ZNF729: variants seen among roughly 807,000 people sequenced by gnomAD.
The protein encoded by ZNF729 is zinc finger protein 729.
ZNF729 carries 15 observed loss-of-function variants against 12.2 expected under a neutral mutation model. That is an observed-to-expected ratio of 1.23 (90% CI 0.82 to 1.89). The LOEUF (loss-of-function observed/expected upper bound fraction) is 1.89. ZNF729 is among the 40% of genes most tolerant of loss of function. ZNF729 has a pLI of 0.00. For missense variants in ZNF729, 1,540 were observed against 1,456.7 expected (o/e 1.06, Z -0.93); for synonymous variants, 492 against 476.3 (o/e 1.03, Z -0.43).
rs1298724881 is a variant in ZNF729 at position 22,303,881 on chromosome 19, C to G, written c.154C>G (p.Leu52Val). 1.9e-6 allele frequency: 3 copies of G among 1,567,532 alleles called. No individual in the cohort carries two copies. The Admixed American group carries it at 5.2e-5, about 27-fold the overall frequency. The change falls in exon 2 of 4, where the codon CTG becomes GTG. Residue 52 changes from leucine (L) to valine (V), a missense_variant. Physicochemically the swap from Leu to Val is conservative, Grantham distance 32. Transcript: ENST00000601693. ...AGAGAACTACAGAAACCTGGTCTTC[C>G]TGGGTGAGGATAATTTTAATTAAGC... Reference protein sequence around the residue: ...MLENYRNLVFLGMAVFKPDLI... With the variant: ...MLENYRNLVFVGMAVFKPDLI...
chr19:22,307,745 A>T, intron 3 of ZNF729, among the ~76,000 whole-genome samples: 1 of 150,266 alleles, frequency 6.7e-6, no homozygotes. Context: ...CTCCATCAAA[A>T]AAAAAAAAAA....
intron 1 of ZNF729, among the ~76,000 whole-genome samples, chr19:22,293,300 C>T (rs1484383240): frequency 1.3e-5 from 2 of 152,044 alleles, no homozygotes; most frequent in South Asian, 4.1e-4. Context: ...ATTCTCCTGC[C>T]TCAGCCTCCT....
In ZNF729 at chr19:22,286,546, C is replaced by T; in HGVS notation, c.21C>T (p.Ser7=). The part of the protein sequence containing the change: MPGAPG[S]LEMGPLTFRD... Reference sequence around the variant, plus strand: ...CTAACATGCCAGGTGCCCCTGGCAGCCTAGAAATGGTGAGAGTGCCGGGTC... The same window carrying T: ...CTAACATGCCAGGTGCCCCTGGCAGTCTAGAAATGGTGAGAGTGCCGGGTC... The change falls in exon 1 of 4, where the codon AGC becomes AGT. Residue 7 remains serine (S), a synonymous_variant. Transcript: ENST00000601693. The T allele has an allele frequency of 6.2e-7, 1 of 1,613,854 alleles. No homozygotes were observed. Among genetic ancestry groups the T allele is most frequent in the Non-Finnish European group, 8.5e-7 (1 of 1,179,982 alleles).
Position 22,315,165 on chromosome 19 carries a change from A to T in ZNF729, c.1748A>T (p.His583Leu), listed in dbSNP as rs1307344909. ...KCEECGKAFKHFSALRKHKVI... is the reference protein window; with the variant it reads ...KCEECGKAFKLFSALRKHKVI... ...GAAGAATGTGGCAAAGCTTTTAAGC[A>T]TTTCTCAGCCCTCAGAAAACATAAG... The change falls in exon 4 of 4, where the codon CAT (histidine) becomes CTT (leucine). Residue 583 changes from histidine (H) to leucine (L), a missense_variant. His to Leu is a moderately conservative substitution (Grantham distance 99). Coordinates refer to ENST00000601693, the MANE Select transcript of ZNF729 (RefSeq NM_001242680.2). 1 of 1,611,636 alleles carries T rather than the reference A, an allele frequency of 6.2e-7. No individual in the cohort carries two copies. The highest frequency in any genetic ancestry group is 1.1e-5 in the South Asian group (1 of 91,030).
At chr19:22,289,639 GA>G in intron 1 of ZNF729, among the ~76,000 whole-genome samples, 1 of 152,042 alleles carries the variant, frequency 6.6e-6, no homozygotes, top group East Asian at 1.9e-4. Context: ...TGCTACCAGG[GA>G]AAAAAATAGG....
chr19:22,294,196 T>G (rs76481007), intron 1 of ZNF729, among the ~76,000 whole-genome samples: 3,357 of 110,994 alleles, frequency 0.03, 111 homozygotes, highest in African/African-American at 0.1. Flanking sequence ...GTGCTAGGTG[T>G]TTATCCCAGC....
chr19:22,313,087 C>T (rs1444012470), intron 3 of ZNF729, among the ~76,000 whole-genome samples: 6 of 147,058 alleles, frequency 4.1e-5, no homozygotes, highest in African/African-American at 1.6e-4. Context: ...GACAGGGTCT[C>T]ACTCTGTCAC....
chr19:22,309,585 T>C (rs1015097996), intron 3 of ZNF729, among the ~76,000 whole-genome samples: 18 of 152,210 alleles, frequency 1.2e-4, no homozygotes, highest in Non-Finnish European at 2.5e-4. Context: ...TTTGTACCAG[T>C]ACCATGCTGT....
chr19:22,304,792 G>C lies in ZNF729; in HGVS notation c.253+9G>C. On this transcript the variant is annotated intron_variant, in intron 3 of 3. Transcript: ENST00000601693. Reference sequence around the variant, plus strand: ...GGTAACTAAACCCCCAGGTATGTGAGAGTGAATACAACAGACAACACAGAT... The same window carrying C: ...GGTAACTAAACCCCCAGGTATGTGACAGTGAATACAACAGACAACACAGAT... 6.2e-7 allele frequency: 1 copy of C among 1,612,006 alleles called. No homozygotes were observed. The highest frequency in any genetic ancestry group is 8.5e-7 in the Non-Finnish European group (1 of 1,179,066).
intron 1 of ZNF729, among the ~76,000 whole-genome samples, chr19:22,302,016 T>C (rs1453487967): frequency 1.3e-5 from 2 of 152,310 alleles, no homozygotes; most frequent in African/African-American, 4.8e-5. Flanking sequence ...CTAGGCATCT[T>C]TGAGACATTT....
intron 3 of ZNF729, among the ~76,000 whole-genome samples, chr19:22,307,378 A>C (rs1968392174): frequency 9.6e-6 from 1 of 103,684 alleles, no homozygotes; most frequent in Non-Finnish European, 2.0e-5. Context: ...CTTACCTTTC[A>C]TTTTGGAAAG....
intron 1 of ZNF729, among the ~76,000 whole-genome samples, chr19:22,302,126 C>T (rs1200025900): frequency 6.6e-6 from 1 of 152,308 alleles, no homozygotes; most frequent in Non-Finnish European, 1.5e-5. Context: ...TTGTTCCTCC[C>T]CTCATACAAG....
rs144973989 is a variant in ZNF729, at chr19:22,312,285, C to T, written c.254-1386C>T. ...CCATGTTGTCCTAATATTCTATATA[C>T]ATTGTAATCGTTGATTAAAATTTGT... On this transcript the variant is annotated intron_variant, in intron 3 of 3. Coordinates refer to ENST00000601693, the MANE Select transcript of ZNF729 (RefSeq NM_001242680.2). Among the ~76,000 whole-genome samples, 124 of 152,094 alleles carry T rather than the reference C, an allele frequency of 8.2e-4. No homozygotes were observed. The East Asian group carries it at 0.016, about 19-fold the overall frequency.
chr19:22,317,106 C>G lies in ZNF729; in HGVS notation c.3689C>G (p.Thr1230Ser). The part of the protein sequence containing the change: ...KVPKLLSNPH[T>S]LLDKTIHTGE... ...CCAAAGCTTTTAAGCAATCCTCACA[C>G]CTTACTAGACAAAACAATTCATACT... is the stretch of plus-strand genomic sequence containing the variant. Residue 1230 changes from threonine to serine, a missense_variant, in exon 4 of 4, where the codon ACC (threonine) becomes AGC (serine). Thr to Ser is a moderately conservative substitution (Grantham distance 58). Transcript: ENST00000601693. 6.3e-7 allele frequency: 1 copy of G among 1,599,104 alleles called. No homozygotes were observed. Among genetic ancestry groups the G allele is most frequent in the Non-Finnish European group, 8.5e-7 (1 of 1,173,660 alleles).
intron 1 of ZNF729, among the ~76,000 whole-genome samples, chr19:22,290,748 TA>T (rs1461959350): frequency 6.6e-6 from 1 of 151,554 alleles, no homozygotes; most frequent in African/African-American, 2.4e-5. Context: ...CTGATTTATT[TA>T]TTTTTTTTAA....
intron 1 of ZNF729, among the ~76,000 whole-genome samples, chr19:22,300,081 A>G (rs1461540288): frequency 1.3e-5 from 2 of 152,226 alleles, no homozygotes; most frequent in African/African-American, 2.4e-5. Flanking sequence ...ATAGCACTCT[A>G]TTCAACCATT....
intron 1 of ZNF729, among the ~76,000 whole-genome samples, chr19:22,294,844 A>G (rs942747288): frequency 9.2e-5 from 14 of 151,644 alleles, no homozygotes; most frequent in African/African-American, 3.1e-4. Flanking sequence ...TTTAGTAGAG[A>G]TGGAGTTTTA....
Position 22,316,864 on chromosome 19 carries a change from A to G in ZNF729, c.3447A>G (p.Lys1149=), listed in dbSNP as rs772168892. 6 of 1,613,076 alleles carry G rather than the reference A, an allele frequency of 3.7e-6. No homozygotes were observed. Among genetic ancestry groups the G allele is most frequent in the Non-Finnish European group, 5.1e-6 (6 of 1,179,970 alleles). Residue 1149 remains lysine, a synonymous_variant, in exon 4 of 4, where the codon AAA becomes AAG. Transcript: ENST00000601693. ...KAFSQSSILT[K]HKIIHSVEKP... ...TTAGTCAGTCCTCAATCCTTACTAAACATAAGATAATTCATTCTGTAGAGA... is the reference window on the plus strand; with the variant it reads ...TTAGTCAGTCCTCAATCCTTACTAAGCATAAGATAATTCATTCTGTAGAGA...
Position 22,316,775 on chromosome 19 carries a change from A to T in ZNF729, c.3358A>T (p.Thr1120Ser), listed in dbSNP as rs1426638646. The T allele has an allele frequency of 6.2e-7, 1 of 1,613,122 alleles. No individual in the cohort carries two copies. The highest frequency in any genetic ancestry group is 1.1e-5 in the South Asian group (1 of 90,912). The change falls in exon 4 of 4, where the codon ACG (threonine) becomes TCG (serine). Residue 1120 changes from threonine (T) to serine (S), a missense_variant. By Grantham distance (58) the Thr-to-Ser change is moderately conservative. Transcript: ENST00000601693. ...AGCTTTTAACAATTCCTCAACCCTT[A>T]CGAAACATAAGATAATTCATACTGG... is the stretch of plus-strand genomic sequence containing the variant. ...GKAFNNSSTL[T>S]KHKIIHTGEK...
Sources: gnomAD v4.1 joint callset for allele counts (sites outside exome capture counted in the v4.1 genomes callset) on GRCh38, gnomAD v4.1.1 for gene constraint, MANE v1.5 for transcripts, NCBI Gene and HGNC (gene_info 2026-07-23, HGNC 2026-07-21) for gene names.